The following MALRD1 variants were observed in gnomAD, a reference collection of about 807,000 sequenced individuals.
MALRD1 encodes the protein MAM and LDL-receptor class A domain-containing protein 1.
Under a neutral mutation model 242.1 loss-of-function variants are expected in MALRD1, and 247 were observed. The ratio of observed to expected loss-of-function variants is 1.02; its 90% CI spans 0.92 to 1.13. The LOEUF (loss-of-function observed/expected upper bound fraction) is 1.13. Ranked by LOEUF, MALRD1 falls within the 50% of genes most tolerant of loss-of-function variation. MALRD1 has a pLI of 0.00. For synonymous variants in MALRD1, 995 were observed against 866.6 expected (o/e 1.15, Z -2.60); for missense variants, 2,989 against 2,533.1 (o/e 1.18, Z -3.86).
At chr10:19,232,751 A>C (rs183175936) in intron 18 of MALRD1, among the ~76,000 whole-genome samples, 1 of 152,200 alleles carries the variant, frequency 6.6e-6, no homozygotes, top group Non-Finnish European at 1.5e-5. Context: ...GTATACATAC[A>C]AGCATGCAGA....
intron 26 of MALRD1, among the ~76,000 whole-genome samples, chr10:19,355,858 T>TATATATATATACATATATATA (rs57813656): frequency 2.1e-5 from 2 of 94,924 alleles, no homozygotes; most frequent in African/African-American, 7.4e-5. Context: ...TATATATATA[T>TATATATATATACATATATATA]TATATATGAT....
intron 10 of MALRD1, among the ~76,000 whole-genome samples, chr10:19,145,834 C>A (rs1297006897): frequency 6.6e-6 from 1 of 151,926 alleles, no homozygotes; most frequent in African/African-American, 2.4e-5. Context: ...TAAACTTCCC[C>A]CTTCCCAGTG....
At chr10:19,617,011 T>C (rs1174452789) in intron 36 of MALRD1, among the ~76,000 whole-genome samples, 9 of 152,126 alleles carry the variant, frequency 5.9e-5, no homozygotes, top group African/African-American at 1.9e-4. Context: ...TATTAATTTC[T>C]AAAATCTCCT....
At chr10:19,665,651 C>T (rs1236221579) in intron 36 of MALRD1, among the ~76,000 whole-genome samples, 2 of 152,114 alleles carry the variant, frequency 1.3e-5, no homozygotes, top group Admixed American at 1.3e-4. Flanking sequence ...CCCTGAAATT[C>T]TACTAAAACG....
At chr10:19,097,184 C>T (rs1046695929) in intron 4 of MALRD1, among the ~76,000 whole-genome samples, 2 of 152,156 alleles carry the variant, frequency 1.3e-5, no homozygotes, top group Non-Finnish European at 2.9e-5. Flanking sequence ...TCATAATTCA[C>T]TGAGAATTAC....
At chr10:19,074,426 G>A (rs1835254848) in intron 2 of MALRD1, among the ~76,000 whole-genome samples, 1 of 152,088 alleles carries the variant, frequency 6.6e-6, no homozygotes, top group Admixed American at 6.6e-5. Flanking sequence ...CTTGATGTCT[G>A]TGTGTTTGTG....
intron 33 of MALRD1, among the ~76,000 whole-genome samples, chr10:19,586,718 G>A (rs1035482945): frequency 6.6e-6 from 1 of 152,236 alleles, no homozygotes; most frequent in Non-Finnish European, 1.5e-5. Flanking sequence ...AGCCTACAGA[G>A]GCCCGCAGGC....
intron 26 of MALRD1, among the ~76,000 whole-genome samples, chr10:19,367,223 GC>G: frequency 6.6e-6 from 1 of 151,776 alleles, no homozygotes; most frequent in Non-Finnish European, 1.5e-5. Context: ...CTTCTCTCTA[GC>G]TGTAATTTTA....
intron 11 of MALRD1, among the ~76,000 whole-genome samples, chr10:19,154,308 A>G (rs533281863): frequency 9.2e-4 from 140 of 152,264 alleles, no homozygotes; most frequent in African/African-American, 3.2e-3. Flanking sequence ...TGCAGTCGGC[A>G]TTGACTTGTA....
At position 19,297,173 on chromosome 10, in the gene MALRD1, T is replaced by C. The variant is rs531090424; in HGVS notation, c.3419+13992T>C. Among the ~76,000 whole-genome samples, 43 of 151,332 alleles carry C rather than the reference T, an allele frequency of 2.8e-4. No individual in the cohort carries two copies. The Middle Eastern group carries it at 0.014, about 49-fold the overall frequency. ...ATTTCATGTGTTTTTGAGAATAAGA[T>C]GAGTTTTAAGTAAACAATAAAATTA... On this transcript the variant is annotated intron_variant, in intron 21 of 39. Transcript: ENST00000454679.
chr10:19,460,348 A>G (rs1835879545), intron 29 of MALRD1, among the ~76,000 whole-genome samples: 1 of 152,154 alleles, frequency 6.6e-6, no homozygotes, highest in African/African-American at 2.4e-5. Context: ...CCAAATCTAC[A>G]GATATTTATA....
At chr10:19,156,293 C>G (rs994108529) in intron 12 of MALRD1, among the ~76,000 whole-genome samples, 8 of 151,462 alleles carry the variant, frequency 5.3e-5, no homozygotes, top group African/African-American at 1.9e-4. Flanking sequence ...ACTTTCTTTT[C>G]CTTTCTTTTG....
rs559351705 is a variant in MALRD1 at position 19,688,547 on chromosome 10, C to T, written c.6138-3735C>T. Among the ~76,000 whole-genome samples the T allele has an allele frequency of 9.2e-5, 14 of 152,300 alleles. No individual in the cohort carries two copies. In the South Asian group the frequency reaches 2.5e-3, roughly 27 times the overall value. On this transcript the variant is annotated intron_variant, in intron 36 of 39. Transcript: ENST00000454679. Reference sequence around the variant, plus strand: ...AAGTGCTGGAATTACAGGCATGAGCCAGCATGCCCAGCCCTAATGATTCTT... The same window carrying T: ...AAGTGCTGGAATTACAGGCATGAGCTAGCATGCCCAGCCCTAATGATTCTT...
chr10:19,619,355 T>C (rs1839304432), intron 36 of MALRD1, among the ~76,000 whole-genome samples: 1 of 152,044 alleles, frequency 6.6e-6, no homozygotes. Context: ...CACAATATTT[T>C]GTAAGTGTTA....
At chr10:19,450,517 T>G (rs1434302479) in intron 29 of MALRD1, 27 bp downstream of exon 29, 1 of 1,526,286 alleles carries the variant, frequency 6.6e-7, no homozygotes, top group Non-Finnish European at 8.8e-7. Flanking sequence ...CACTTCCATT[T>G]GGAAGCACAT....
intron 2 of MALRD1, among the ~76,000 whole-genome samples, chr10:19,086,938 C>G (rs974628623): frequency 6.6e-6 from 1 of 152,044 alleles, no homozygotes; most frequent in Non-Finnish European, 1.5e-5. Context: ...CCCCCCAAGT[C>G]TGCTTTTAGC....
chr10:19,633,666 T>TA (rs1342859923), intron 36 of MALRD1: 1 of 151,944 alleles, frequency 6.6e-6, no homozygotes, highest in Non-Finnish European at 1.5e-5. Context: ...AAAAAACACT[T>TA]ACAGATTTTT....
intron 33 of MALRD1, among the ~76,000 whole-genome samples, chr10:19,581,979 G>T (rs1006150359): frequency 6.6e-6 from 1 of 152,176 alleles, no homozygotes; most frequent in African/African-American, 2.4e-5. Flanking sequence ...CAGTGATGGT[G>T]AGCATTTTTT....
intron 32 of MALRD1, among the ~76,000 whole-genome samples, chr10:19,549,204 G>A (rs920010163): frequency 1.6e-4 from 24 of 152,216 alleles, no homozygotes; most frequent in Non-Finnish European, 3.1e-4. Flanking sequence ...GTTAGTTCAT[G>A]AGGTTTAAGG....
Sources: allele counts gnomAD v4.1 joint callset (sites outside exome capture counted in the v4.1 genomes callset), GRCh38; gene constraint gnomAD v4.1.1; transcripts MANE v1.5; gene names NCBI Gene and HGNC (gene_info 2026-07-23, HGNC 2026-07-21).